The following MGST2 variants were observed in gnomAD, a reference collection of about 807,000 sequenced individuals.
MGST2 encodes microsomal glutathione S-transferase 2, also known as glutathione peroxidase MGST2.
MGST2 carries 9 observed loss-of-function variants against 16.6 expected under a neutral mutation model. The observed-to-expected ratio is 0.54, with a 90% CI of 0.33 to 0.95. The LOEUF is 0.95. Ranked by LOEUF, MGST2 falls within the 40% of genes least tolerant of loss-of-function variation. MGST2 has a pLI of 0.03. For synonymous variants in MGST2, 79 were observed against 68.0 expected (o/e 1.16, Z -0.79); for missense variants, 159 against 175.1 (o/e 0.91, Z 0.52).
intron 3 of MGST2, among the ~76,000 whole-genome samples, chr4:139,702,796 G>A (rs1190053960): frequency 7.6e-6 from 1 of 130,824 alleles, no homozygotes; most frequent in Non-Finnish European, 1.6e-5. Context: ...CCAATGATGT[G>A]TGCGGATTCC....
intron 5 of MGST2, among the ~76,000 whole-genome samples, chr4:139,716,003 C>T (rs964191064): frequency 1.1e-4 from 17 of 152,114 alleles, no homozygotes; most frequent in African/African-American, 3.1e-4. Flanking sequence ...TCAAGTGATC[C>T]GCTTGCCTTG....
downstream of MGST2, among the ~76,000 whole-genome samples, chr4:139,742,467 T>A (rs7674828): frequency 1.3e-5 from 2 of 152,038 alleles, no homozygotes; most frequent in Non-Finnish European, 2.9e-5. Context: ...CTTTTCACTC[T>A]TTAATCAGAA....
At chr4:139,677,921 T>A (rs1731047223) in intron 1 of MGST2, among the ~76,000 whole-genome samples, 1 of 152,252 alleles carries the variant, frequency 6.6e-6, no homozygotes, top group Non-Finnish European at 1.5e-5. Context: ...GTAGCTATCT[T>A]ATTTAGGAAT....
At chr4:139,738,480 T>C (rs1207753440) in intron 5 of MGST2, among the ~76,000 whole-genome samples, 2 of 151,994 alleles carry the variant, frequency 1.3e-5, no homozygotes, top group African/African-American at 4.8e-5. Context: ...GAGGCGGAGG[T>C]TGCAGTGAGC....
At chr4:139,725,963 G>T in intron 5 of MGST2, 1 of 727,620 alleles carries the variant, frequency 1.4e-6, no homozygotes, top group Non-Finnish European at 2.4e-6. Flanking sequence ...AGAATCATAT[G>T]CATACAGGCA....
chr4:139,714,475 C>G (rs1042382222), intron 5 of MGST2, among the ~76,000 whole-genome samples: 1 of 152,208 alleles, frequency 6.6e-6, no homozygotes, highest in Non-Finnish European at 1.5e-5. Context: ...TGTGGCACAA[C>G]TGCCTTTGGG....
intron 5 of MGST2, among the ~76,000 whole-genome samples, chr4:139,714,566 A>G (rs1445099004): frequency 6.6e-6 from 1 of 152,234 alleles, no homozygotes; most frequent in African/African-American, 2.4e-5. Flanking sequence ...ATAGATATTA[A>G]CCAGGCTGCT....
chr4:139,690,851 T>C (rs899646170), intron 2 of MGST2, among the ~76,000 whole-genome samples: 1 of 152,150 alleles, frequency 6.6e-6, no homozygotes, highest in African/African-American at 2.4e-5. Flanking sequence ...GGTTACCAGA[T>C]CCAGGTGGGA....
chr4:139,716,173 TCCTG>T (rs1182752605), intron 5 of MGST2, among the ~76,000 whole-genome samples: 1 of 148,802 alleles, frequency 6.7e-6, no homozygotes, highest in African/African-American at 2.4e-5. Flanking sequence ...GCTTTTATAC[TCCTG>T]CACCAGTGAG....
chr4:139,720,109 G>A (rs1394077547), intron 5 of MGST2: 1 of 1,613,960 alleles, frequency 6.2e-7, no homozygotes, highest in African/African-American at 1.3e-5. Flanking sequence ...TTTGGGTCAT[G>A]CCTGTGCTCA....
rs1394268001 is a variant in MGST2, at chr4:139,735,501, G to A, written c.*49-4711G>A. Among the ~76,000 whole-genome samples the A allele has an allele frequency of 1.3e-5, 2 of 151,970 alleles. No homozygotes were observed. Among genetic ancestry groups the A allele is most frequent in the African/African-American group, 4.8e-5 (2 of 41,394 alleles). On this transcript the variant is annotated intron_variant, in intron 5 of 5. Coordinates refer to the MGST2 transcript ENST00000616265. This position sits in a 1 kb window ranked among gnomAD's most constrained non-coding sequence, Gnocchi z 5.8. ...GGAGGGTGGCGGACACCAGACCCCAGGGCCGACAGCCCGGGAGGGACCGGG... is the reference window on the plus strand; with the variant it reads ...GGAGGGTGGCGGACACCAGACCCCAAGGCCGACAGCCCGGGAGGGACCGGG...
chr4:139,744,544 T>A (rs992176005), downstream of MGST2, among the ~76,000 whole-genome samples: 1 of 152,180 alleles, frequency 6.6e-6, no homozygotes, highest in African/African-American at 2.4e-5. Flanking sequence ...TAGAACACAA[T>A]GTGTGGCGTG....
At chr4:139,724,463 T>C (rs920268773) in intron 5 of MGST2, among the ~76,000 whole-genome samples, 1 of 151,728 alleles carries the variant, frequency 6.6e-6, no homozygotes, top group African/African-American at 2.4e-5. Flanking sequence ...AATGCTACCT[T>C]AGATCAGAAA....
intron 2 of MGST2, among the ~76,000 whole-genome samples, chr4:139,684,203 G>A (rs1451424133): frequency 6.6e-6 from 1 of 152,180 alleles, no homozygotes; most frequent in Non-Finnish European, 1.5e-5. Flanking sequence ...TGGGATTACA[G>A]GTATGAACCA....
At chr4:139,712,534 A>C (rs1727781552) in intron 5 of MGST2, among the ~76,000 whole-genome samples, 1 of 152,176 alleles carries the variant, frequency 6.6e-6, no homozygotes. Flanking sequence ...CAGGCATTTT[A>C]ATTGGCTTTG....
intron 5 of MGST2, among the ~76,000 whole-genome samples, chr4:139,710,150 T>C (rs1427718922): frequency 1.3e-5 from 2 of 152,082 alleles, no homozygotes; most frequent in Non-Finnish European, 2.9e-5. Context: ...ATAAACAAAA[T>C]CAGGTCATTT....
intron 2 of MGST2, among the ~76,000 whole-genome samples, chr4:139,682,269 G>A (rs1348591759): frequency 6.6e-6 from 1 of 151,878 alleles, no homozygotes; most frequent in Non-Finnish European, 1.5e-5. Flanking sequence ...AAAACAGAAA[G>A]GATAGCGTTG....
At chr4:139,668,576 G>A (rs959119655) in intron 1 of MGST2, among the ~76,000 whole-genome samples, 1 of 148,486 alleles carries the variant, frequency 6.7e-6, no homozygotes, top group Non-Finnish European at 1.5e-5. Flanking sequence ...TAAAGGGAAG[G>A]TGGGGTTCAA....
chr4:139,704,214 G>T lies in MGST2; in HGVS notation c.*66G>T. The T allele has an allele frequency of 2.5e-6, 4 of 1,575,150 alleles. No homozygotes were observed. The highest frequency in any genetic ancestry group is 2.6e-6 in the Non-Finnish European group (3 of 1,145,564). On this transcript the variant is annotated 3_prime_UTR_variant, in exon 5 of 5. Coordinates refer to ENST00000265498, the MANE Select transcript of MGST2 (RefSeq NM_002413.5). Reference sequence around the variant, plus strand: ...CCATGAAGGTAATATGGTATCATTTGTTAAATAAAAATAAAGTCTTTATTC... The same window carrying T: ...CCATGAAGGTAATATGGTATCATTTTTTAAATAAAAATAAAGTCTTTATTC...
Sources: gnomAD v4.1 joint callset for allele counts (sites outside exome capture counted in the v4.1 genomes callset) on GRCh38, gnomAD v4.1.1 for gene constraint, Gnocchi (gnomAD v3.1) non-coding constraint, MANE v1.5 for transcripts, NCBI Gene and HGNC (gene_info 2026-07-23, HGNC 2026-07-21) for gene names.